The following IQSEC3 variants were observed in gnomAD, a reference collection of about 807,000 sequenced individuals.
The protein encoded by IQSEC3 is IQ motif and SEC7 domain-containing protein 3.
IQSEC3 carries 50 observed loss-of-function variants against 105.4 expected under a neutral mutation model. That is an observed-to-expected ratio of 0.47 (90% confidence interval 0.38 to 0.60). The LOEUF (loss-of-function observed/expected upper bound fraction) is 0.60. Ranked by LOEUF, IQSEC3 falls within the 20% of genes least tolerant of loss-of-function variation. The probability of loss-of-function intolerance (pLI) is 0.00; values close to 1 mark genes in which losing one functional copy is unlikely to be tolerated. For synonymous variants in IQSEC3, 708 were observed against 746.0 expected (o/e 0.95, Z 0.83); for missense variants, 1,415 against 1,630.0 (o/e 0.87, Z 2.27).
chr12:170,542 G>A (rs1398009716), intron 12 of IQSEC3, among the ~76,000 whole-genome samples: 1 of 152,250 alleles, frequency 6.6e-6, no homozygotes, highest in Non-Finnish European at 1.5e-5. Flanking sequence ...AGCTGGGAGT[G>A]ACTCAGCCAC....
chr12:162,273 A>G (rs372056921), intron 8 of IQSEC3, among the ~76,000 whole-genome samples: 1 of 151,268 alleles, frequency 6.6e-6, no homozygotes, highest in South Asian at 2.1e-4. Context: ...CCGATACTGC[A>G]GCAGGAGAGA....
intron 1 of IQSEC3, among the ~76,000 whole-genome samples, chr12:82,201 A>G (rs937441722): frequency 2.6e-5 from 4 of 152,240 alleles, no homozygotes; most frequent in Non-Finnish European, 5.9e-5. Flanking sequence ...TTAGTTAGGT[A>G]TGATTATGGT....
At chr12:89,678 T>G (rs1864021877) in intron 1 of IQSEC3, among the ~76,000 whole-genome samples, 1 of 152,236 alleles carries the variant, frequency 6.6e-6, no homozygotes, top group Non-Finnish European at 1.5e-5. Flanking sequence ...GAATATTATA[T>G]AAGTGGAATC....
intron 5 of IQSEC3, among the ~76,000 whole-genome samples, chr12:149,886 G>T (rs1285648885): frequency 6.6e-6 from 1 of 152,204 alleles, no homozygotes; most frequent in African/African-American, 2.4e-5. Flanking sequence ...GCTGGAAGCA[G>T]ACAGGGCGTC....
chr12:69,832 C>T (rs1555067035), intron 1 of IQSEC3, among the ~76,000 whole-genome samples: 5 of 152,258 alleles, frequency 3.3e-5, no homozygotes. Flanking sequence ...TGCTCTCTGC[C>T]CGTGGCCCGT....
rs782440428 is a variant in IQSEC3, at chr12:169,120, C to T, written c.3064+15C>T. ...ATCGCCGACAGGTGAGCCTCGGCTC[C>T]GCTCAGGGCACCAGTCCCCATGGAG... On this transcript the variant is annotated intron_variant, in intron 12 of 13. Coordinates refer to ENST00000538872, the MANE Select transcript of IQSEC3 (RefSeq NM_001170738.2). 9.9e-6 allele frequency: 16 copies of T among 1,611,306 alleles called. No homozygotes were observed. Among genetic ancestry groups the T allele is most frequent in the Non-Finnish European group, 1.4e-5 (16 of 1,178,296 alleles).
chr12:76,435 C>T (rs1269986349), intron 1 of IQSEC3, among the ~76,000 whole-genome samples: 2 of 152,334 alleles, frequency 1.3e-5, no homozygotes, highest in Non-Finnish European at 2.9e-5. Context: ...GGAGGACAAC[C>T]CACACTATAC....
chr12:134,698 C>A (rs1865701840), intron 3 of IQSEC3, among the ~76,000 whole-genome samples: 1 of 151,224 alleles, frequency 6.6e-6, no homozygotes, highest in Non-Finnish European at 1.5e-5. Flanking sequence ...AGTTCAGGTC[C>A]AGCCTGGCCA....
intron 5 of IQSEC3, among the ~76,000 whole-genome samples, chr12:155,555 G>A (rs1274337301): frequency 1.3e-5 from 2 of 152,140 alleles, no homozygotes; most frequent in Non-Finnish European, 2.9e-5. Context: ...GGAGTCCATG[G>A]ACCACCAGGC....
chr12:76,855 C>T (rs1391422902), intron 1 of IQSEC3, among the ~76,000 whole-genome samples: 1 of 152,256 alleles, frequency 6.6e-6, no homozygotes, highest in Non-Finnish European at 1.5e-5. Flanking sequence ...TGGCCAGGGC[C>T]TGGTACCAAT....
intron 13 of IQSEC3, among the ~76,000 whole-genome samples, chr12:172,425 C>T (rs997189901): frequency 1.3e-5 from 2 of 152,164 alleles, no homozygotes; most frequent in Admixed American, 1.3e-4. Flanking sequence ...GCCAGCCCTG[C>T]CCTGCCCTGC....
chr12:149,557 A>T (rs1471117490), intron 5 of IQSEC3, among the ~76,000 whole-genome samples: 2 of 152,096 alleles, frequency 1.3e-5, no homozygotes, highest in Non-Finnish European at 2.9e-5. Flanking sequence ...TCATTCATTC[A>T]TCCCACAAAA....
At chr12:108,134 T>C (rs1864744317) in intron 2 of IQSEC3, among the ~76,000 whole-genome samples, 1 of 152,012 alleles carries the variant, frequency 6.6e-6, no homozygotes, top group South Asian at 2.1e-4. Context: ...CTAGCTTCTA[T>C]AGAGTTTCCT....
intron 1 of IQSEC3, among the ~76,000 whole-genome samples, chr12:92,580 C>T (rs1396072763): frequency 6.6e-6 from 1 of 152,208 alleles, no homozygotes; most frequent in Non-Finnish European, 1.5e-5. Context: ...GGGGACCTCT[C>T]TCCTTTCTTT....
At chr12:114,425 G>A (rs1449087998) in intron 2 of IQSEC3, among the ~76,000 whole-genome samples, 1 of 152,218 alleles carries the variant, frequency 6.6e-6, no homozygotes, top group Non-Finnish European at 1.5e-5. Flanking sequence ...GTGGAGAAGA[G>A]GCAGTCTTTC....
intron 4 of IQSEC3, chr12:139,951 G>A (rs550084273): frequency 6.6e-6 from 1 of 152,296 alleles, no homozygotes; most frequent in Non-Finnish European, 1.5e-5. Flanking sequence ...ACCGGGACTG[G>A]TCCTGCACCG....
Position 157,579 on chromosome 12 carries a change from C to T in IQSEC3, c.2328C>T (p.Pro776=), listed in dbSNP as rs372227493. ...AAGTGGTTCAGCAGTTCCACAACCC[C>T]GACACCATCTTCATCCTCGCCTTCG... ...NPEVVQQFHN[P]DTIFILAFAI... is the part of the protein sequence containing the mutation. The change falls in exon 7 of 14, where the codon CCC becomes CCT. Residue 776 remains proline (P), a synonymous_variant. Transcript: ENST00000538872. The T allele has an allele frequency of 3.0e-5, 48 of 1,614,068 alleles. No homozygotes were observed. Among genetic ancestry groups the T allele is most frequent in the East Asian group, 2.0e-4 (9 of 44,896 alleles).
At chr12:155,156 G>A (rs1195890357) in intron 5 of IQSEC3, among the ~76,000 whole-genome samples, 1 of 152,218 alleles carries the variant, frequency 6.6e-6, no homozygotes. Flanking sequence ...TGCAAAGGGT[G>A]CAGGGTGGAG....
At chr12:89,817 C>T (rs1274767607) in intron 1 of IQSEC3, among the ~76,000 whole-genome samples, 1 of 152,190 alleles carries the variant, frequency 6.6e-6, no homozygotes, top group African/African-American at 2.4e-5. Flanking sequence ...ATTGAATGGA[C>T]ATACCACAAT....
Sources: gnomAD v4.1 joint callset for allele counts (sites outside exome capture counted in the v4.1 genomes callset) on GRCh38, gnomAD v4.1.1 for gene constraint, MANE v1.5 for transcripts, NCBI Gene and HGNC (gene_info 2026-07-23, HGNC 2026-07-21) for gene names.